LUC7L2: variants seen among roughly 807,000 people sequenced by gnomAD.
LUC7L2 encodes the protein LUC7 like 2, pre-mRNA splicing factor, also known as putative RNA-binding protein Luc7-like 2.
Under a neutral mutation model 52.8 loss-of-function variants are expected in LUC7L2, and 25 were observed. That is an observed-to-expected ratio of 0.47 (90% CI 0.34 to 0.66). LUC7L2 has a LOEUF of 0.66. Among genes scored for constraint, LUC7L2 ranks in the 30% least tolerant of loss-of-function variants. The pLI, the probability that LUC7L2 is intolerant of heterozygous loss-of-function variation, is 0.01. For missense variants in LUC7L2, 328 were observed against 497.8 expected, an observed-to-expected ratio of 0.66 and a Z score of 3.25; for synonymous variants, 144 against 160.9, an observed-to-expected ratio of 0.89 and a Z score of 0.80.
chr7:139,416,440 A>G (rs1217822252), intron 8 of LUC7L2: 1 of 152,048 alleles, frequency 6.6e-6, no homozygotes, highest in African/African-American at 2.4e-5. Context: ...CTGTGTATTC[A>G]TTAGAAATAC....
At chr7:139,342,130 A>G (rs954106479) in intron 1 of LUC7L2, among the ~76,000 whole-genome samples, 1 of 152,182 alleles carries the variant, frequency 6.6e-6, no homozygotes, top group African/African-American at 2.4e-5. Flanking sequence ...AAAAGGTGGC[A>G]ACGTTAGGGT....
At chr7:139,401,035 A>C (rs1007055064) in intron 3 of LUC7L2, among the ~76,000 whole-genome samples, 3 of 152,204 alleles carry the variant, frequency 2.0e-5, no homozygotes, top group Non-Finnish European at 2.9e-5. Flanking sequence ...TGGAAGTCCA[A>C]ACTTGAGAAT....
intron 1 of LUC7L2, among the ~76,000 whole-genome samples, chr7:139,367,504 C>CT (rs1196446736): frequency 6.6e-6 from 1 of 152,090 alleles, no homozygotes; most frequent in Admixed American, 6.5e-5. Flanking sequence ...AAAATGGGAA[C>CT]TTTTTTTCTT....
intron 8 of LUC7L2, 118 bp from the exon 9 acceptor site, chr7:139,417,416 GACTT>G: frequency 4.8e-6 from 6 of 1,245,620 alleles, no homozygotes; most frequent in South Asian, 1.6e-5. Context: ...AGATTTAGCT[GACTT>G]GGAATATAAT....
chr7:139,361,349 G>T (rs1799871126), intron 1 of LUC7L2, among the ~76,000 whole-genome samples: 1 of 152,150 alleles, frequency 6.6e-6, no homozygotes, highest in South Asian at 2.1e-4. Context: ...TTTTTCTTGA[G>T]AAGTTATTTA....
chr7:139,408,766 C>T (rs529712788), intron 6 of LUC7L2, among the ~76,000 whole-genome samples: 37 of 148,890 alleles, frequency 2.5e-4, no homozygotes, highest in African/African-American at 7.5e-4. Context: ...CACTTGAACC[C>T]GGGAGGTGGA....
At chr7:139,371,592 T>C (rs1159622812) in intron 1 of LUC7L2, 3 of 1,183,648 alleles carry the variant, frequency 2.5e-6, no homozygotes, top group Non-Finnish European at 2.4e-6. Flanking sequence ...GAAGATAGCA[T>C]GCAAAGTATA....
At chr7:139,418,274 A>G (rs1221117550) in intron 9 of LUC7L2, among the ~76,000 whole-genome samples, 1 of 152,204 alleles carries the variant, frequency 6.6e-6, no homozygotes, top group Non-Finnish European at 1.5e-5. Flanking sequence ...GAACATTCAA[A>G]AGGTGCAGGC....
At chr7:139,341,723 G>T (rs901231476) in intron 1 of LUC7L2, among the ~76,000 whole-genome samples, 8 of 152,196 alleles carry the variant, frequency 5.3e-5, no homozygotes, top group East Asian at 1.9e-4. Context: ...CAGCGGGGGG[G>T]GGCGCAGAGT....
At chr7:139,376,495 CTT>C (rs1325647057) in intron 2 of LUC7L2, among the ~76,000 whole-genome samples, 1 of 152,014 alleles carries the variant, frequency 6.6e-6, no homozygotes, top group African/African-American at 2.4e-5. Flanking sequence ...ACAGAGTAGA[CTT>C]TTATCTAGTA....
At chr7:139,349,432 G>C (rs147371685) in intron 1 of LUC7L2, among the ~76,000 whole-genome samples, 1 of 151,984 alleles carries the variant, frequency 6.6e-6, no homozygotes, top group African/African-American at 2.4e-5. Context: ...AGCTGAAGTC[G>C]GTGTTAGAAA....
At chr7:139,392,146 TTTC>T (rs1318125715) in intron 2 of LUC7L2, among the ~76,000 whole-genome samples, 1 of 152,300 alleles carries the variant, frequency 6.6e-6, no homozygotes, top group East Asian at 1.9e-4. Context: ...TCTTAAAATG[TTTC>T]TTCTTGTATA....
chr7:139,385,816 A>C (rs1173088780), intron 2 of LUC7L2, among the ~76,000 whole-genome samples: 3 of 152,190 alleles, frequency 2.0e-5, no homozygotes, highest in African/African-American at 2.4e-5. Flanking sequence ...TTATTCTCTT[A>C]GTATTTCCTG....
At position 139,341,500 on chromosome 7, in the gene LUC7L2, T is replaced by C. The variant is rs571616041; in HGVS notation, c.-26+983T>C. On this transcript the variant is annotated intron_variant, in intron 1 of 10. Coordinates refer to the LUC7L2 transcript ENST00000541170. Reference sequence around the variant, plus strand: ...GACACCGCGGCCTATCGGTACCTTGTGAAGGCTTTCCGTGCACATCGGGTA... The same window carrying C: ...GACACCGCGGCCTATCGGTACCTTGCGAAGGCTTTCCGTGCACATCGGGTA... 9.9e-6 allele frequency: 16 copies of C among 1,613,652 alleles called. No homozygotes were observed. In the African/African-American group the frequency reaches 1.3e-4, roughly 13 times the overall value.
chr7:139,394,498 G>A (rs946838428), intron 2 of LUC7L2, among the ~76,000 whole-genome samples: 35 of 152,214 alleles, frequency 2.3e-4, no homozygotes, highest in African/African-American at 8.0e-4. Flanking sequence ...GTTGTGTGAT[G>A]TAACTTTAAA....
rs1032844697 is a variant in LUC7L2 at position 139,386,404 on chromosome 7, A to T, written c.156+10248A>T. Reference sequence around the variant, plus strand: ...GAAATATTTTTCTCTGTCACTGGAAATTTTTTTTTTTTTTTTTTGAGATGG... The same window carrying T: ...GAAATATTTTTCTCTGTCACTGGAATTTTTTTTTTTTTTTTTTTGAGATGG... On this transcript the variant is annotated intron_variant, in intron 2 of 9. Coordinates refer to ENST00000354926, the MANE Select transcript of LUC7L2 (RefSeq NM_016019.5). Among the ~76,000 whole-genome samples the T allele has an allele frequency of 2.0e-4, 26 of 131,514 alleles. 1 individual carries two copies. Among genetic ancestry groups the T allele is most frequent in the East Asian group, 6.4e-4 (3 of 4,682 alleles). 86.3% of individuals were successfully genotyped at this position (131,514 alleles called of 152,430 possible). A position where few individuals can be genotyped will look rare whatever the true frequency, so the allele number is the denominator to read the frequency against.
chr7:139,394,071 AAAG>A (rs151306085), intron 2 of LUC7L2, among the ~76,000 whole-genome samples: 4,488 of 152,228 alleles, frequency 0.029, 231 homozygotes, highest in African/African-American at 0.1. Context: ...TTGGAGGAAA[AAAG>A]AAGAATAGCT....
At chr7:139,374,453 G>A in intron 1 of LUC7L2, 1 of 1,550,858 alleles carries the variant, frequency 6.4e-7, no homozygotes, top group Non-Finnish European at 8.7e-7. Flanking sequence ...TGTCAGAAAG[G>A]CCCCGCATTC....
At chr7:139,415,608 A>C (rs1370854337) in intron 8 of LUC7L2, among the ~76,000 whole-genome samples, 6 of 123,842 alleles carry the variant, frequency 4.8e-5, no homozygotes, top group African/African-American at 1.3e-4. Context: ...ACAGGGTCTC[A>C]CTCTGTCCTG....
Sources: gnomAD v4.1 joint callset for allele counts (sites outside exome capture counted in the v4.1 genomes callset) on GRCh38, gnomAD v4.1.1 for gene constraint, MANE v1.5 for transcripts, NCBI Gene and HGNC (gene_info 2026-07-23, HGNC 2026-07-21) for gene names.